Variants in DLG2 observed in about 807,000 individuals in gnomAD.
DLG2 encodes discs large MAGUK scaffold protein 2, also known as disks large homolog 2.
Under a neutral mutation model 132.5 loss-of-function variants are expected in DLG2, and 45 were observed. The observed-to-expected ratio is 0.34, with a 90% CI of 0.27 to 0.44. The LOEUF is 0.44. Among genes scored for constraint, DLG2 ranks in the 20% least tolerant of loss-of-function variants. The pLI, the probability that DLG2 is intolerant of heterozygous loss-of-function variation, is 1.00. For missense variants in DLG2, 1,045 were observed against 1,196.9 expected (o/e 0.87, Z 1.87); for synonymous variants, 424 against 419.6 (o/e 1.01, Z -0.13).
chr11:83,535,459 A>G (rs1156525827), intron 20 of DLG2, among the ~76,000 whole-genome samples: 1 of 151,894 alleles, frequency 6.6e-6, no homozygotes, highest in Non-Finnish European at 1.5e-5. Flanking sequence ...CTGCACCCCA[A>G]CCCCATTTCT....
intron 10 of DLG2, among the ~76,000 whole-genome samples, chr11:84,078,497 A>G (rs7946613): frequency 0.087 from 13,247 of 152,256 alleles, 635 homozygotes; most frequent in Non-Finnish European, 0.1. Context: ...TAGGACAATG[A>G]ATCATAGCAG....
At chr11:83,908,909 T>C (rs2075549158) in intron 15 of DLG2, among the ~76,000 whole-genome samples, 1 of 152,116 alleles carries the variant, frequency 6.6e-6, no homozygotes, top group Non-Finnish European at 1.5e-5. Context: ...ATTTAAAACA[T>C]TTTTTCATAG....
At chr11:84,555,285 AC>A (rs561955594) in intron 6 of DLG2, among the ~76,000 whole-genome samples, 19 of 152,250 alleles carry the variant, frequency 1.2e-4, no homozygotes, top group Middle Eastern at 6.8e-3. Flanking sequence ...TAGCAAACCC[AC>A]TTCTGGGTAT....
chr11:85,263,769 G>A (rs1360109126), intron 4 of DLG2, among the ~76,000 whole-genome samples: 3 of 152,170 alleles, frequency 2.0e-5, no homozygotes, highest in Non-Finnish European at 4.4e-5. Context: ...GATTGGAGCT[G>A]GAAAACAGGA....
At chr11:83,655,531 C>A (rs2072103746) in intron 18 of DLG2, among the ~76,000 whole-genome samples, 3 of 152,188 alleles carry the variant, frequency 2.0e-5, no homozygotes, top group Admixed American at 2.0e-4. Context: ...CCTGCCCAGA[C>A]CTCAGTAGCA....
chr11:84,321,548 T>A (rs1405861335), intron 7 of DLG2, among the ~76,000 whole-genome samples: 1 of 152,122 alleles, frequency 6.6e-6, no homozygotes, highest in Non-Finnish European at 1.5e-5. Context: ...CCTCCAACCA[T>A]ACAGGCCTTG....
At chr11:85,212,316 C>A (rs1009409983) in intron 4 of DLG2, among the ~76,000 whole-genome samples, 2 of 152,034 alleles carry the variant, frequency 1.3e-5, no homozygotes, top group African/African-American at 4.8e-5. Flanking sequence ...CCTCTCCTCT[C>A]CCCTTTCTTT....
intron 2 of DLG2, among the ~76,000 whole-genome samples, chr11:85,614,699 C>G (rs2081229283): frequency 1.3e-5 from 2 of 152,204 alleles, no homozygotes; most frequent in African/African-American, 2.4e-5. Flanking sequence ...CATTTTATTA[C>G]TAATAATATT....
chr11:84,265,953 C>A (rs1478505849), intron 7 of DLG2, among the ~76,000 whole-genome samples: 1 of 152,098 alleles, frequency 6.6e-6, no homozygotes, highest in Non-Finnish European at 1.5e-5. Context: ...CCATTATTAA[C>A]TCTGAACAGC....
chr11:84,948,190 C>T (rs530014441), intron 6 of DLG2, among the ~76,000 whole-genome samples: 4 of 152,366 alleles, frequency 2.6e-5, no homozygotes, highest in South Asian at 4.1e-4. Flanking sequence ...ACTTCTCCCA[C>T]GCTGCTGGAA....
chr11:85,141,194 G>A (rs1013769702), intron 5 of DLG2, among the ~76,000 whole-genome samples: 1 of 151,710 alleles, frequency 6.6e-6, no homozygotes, highest in Admixed American at 6.6e-5. Flanking sequence ...AACAGTGTAT[G>A]AGGGTTACCC....
At chr11:85,208,318 T>C (rs1459269698) in intron 4 of DLG2, among the ~76,000 whole-genome samples, 2 of 152,158 alleles carry the variant, frequency 1.3e-5, no homozygotes, top group Non-Finnish European at 2.9e-5. Context: ...TGACAAAGGA[T>C]AGCATGTCCT....
At chr11:83,820,940 A>C (rs1315507576) in intron 17 of DLG2, among the ~76,000 whole-genome samples, 1 of 152,210 alleles carries the variant, frequency 6.6e-6, no homozygotes, top group Non-Finnish European at 1.5e-5. Flanking sequence ...CTTAAAAAAG[A>C]ATCTTCTGAG....
chr11:83,788,072 T>C (rs563250543), intron 17 of DLG2, among the ~76,000 whole-genome samples: 50 of 152,292 alleles, frequency 3.3e-4, no homozygotes, highest in Non-Finnish European at 5.4e-4. Context: ...CTTTTATTCA[T>C]GGGGCAGGTT....
At chr11:85,400,453 A>T (rs1181352659) in intron 3 of DLG2, among the ~76,000 whole-genome samples, 1 of 148,368 alleles carries the variant, frequency 6.7e-6, no homozygotes, top group Admixed American at 6.8e-5. Flanking sequence ...AAGGATTATA[A>T]ATCATGCTGC....
chr11:84,171,712 G>C (rs1383012678), intron 8 of DLG2, among the ~76,000 whole-genome samples: 2 of 152,148 alleles, frequency 1.3e-5, no homozygotes, highest in Non-Finnish European at 2.9e-5. Context: ...TTGATACGAT[G>C]ATTTATTTTC....
chr11:84,558,381 G>A (rs2099416244), intron 6 of DLG2, among the ~76,000 whole-genome samples: 1 of 152,156 alleles, frequency 6.6e-6, no homozygotes, highest in African/African-American at 2.4e-5. Context: ...TTCCCCAGTA[G>A]TGAATTCTTA....
intron 6 of DLG2, among the ~76,000 whole-genome samples, chr11:84,700,366 C>T (rs892337210): frequency 1.3e-5 from 2 of 151,286 alleles, no homozygotes; most frequent in African/African-American, 4.8e-5. Context: ...GCAACAAAAG[C>T]AGTCTTCAGT....
intron 5 of DLG2, among the ~76,000 whole-genome samples, chr11:85,149,567 T>C (rs1165639195): frequency 1.3e-5 from 2 of 152,186 alleles, no homozygotes; most frequent in Non-Finnish European, 2.9e-5. Context: ...TAGCATAAAC[T>C]TCAATGTTTG....
Sources: allele counts gnomAD v4.1 joint callset (sites outside exome capture counted in the v4.1 genomes callset), GRCh38; gene constraint gnomAD v4.1.1; transcripts MANE v1.5; gene names NCBI Gene and HGNC (gene_info 2026-07-23, HGNC 2026-07-21).